Variants in HMG20A observed in about 807,000 individuals in gnomAD.
The protein encoded by HMG20A is high mobility group 20A, also known as high mobility group protein 20A.
A neutral mutation model predicts 43.9 loss-of-function variants in HMG20A; 17 were observed. That is an observed-to-expected ratio of 0.39 (90% confidence interval 0.27 to 0.58). The LOEUF is 0.58. HMG20A is among the 20% of genes least tolerant of loss of function. The probability of loss-of-function intolerance (pLI) is 0.59; values close to 1 mark genes in which losing one functional copy is unlikely to be tolerated. For missense variants in HMG20A, 341 were observed against 438.2 expected (o/e 0.78, Z 1.98); for synonymous variants, 132 against 147.5 (o/e 0.89, Z 0.76).
At chr15:77,482,078 C>T (rs1014840294) in intron 9 of HMG20A, 4 of 152,076 alleles carry the variant, frequency 2.6e-5, no homozygotes, top group African/African-American at 4.8e-5. Context: ...AAAATATCTG[C>T]GTAGATGAGT....
chr15:77,428,923 A>G lies in HMG20A; in HGVS notation c.-5+7919A>G, dbSNP rs1329787699. On this transcript the variant is annotated intron_variant, in intron 1 of 9. Transcript: ENST00000336216. ...CAAGGCTGTGAGCTGTTATCGAGCC[A>G]CTGCACTCCAACCTGGGCTACAGAG... Among the ~76,000 whole-genome samples, 5 of 151,712 alleles carry G rather than the reference A, an allele frequency of 3.3e-5. No individual in the cohort carries two copies. In the East Asian group the frequency reaches 9.7e-4, roughly 29 times the overall value.
At chr15:77,422,351 G>A (rs2073373138) in intron 1 of HMG20A, among the ~76,000 whole-genome samples, 1 of 152,022 alleles carries the variant, frequency 6.6e-6, no homozygotes, top group South Asian at 2.1e-4. Context: ...AAGCTGTTTG[G>A]TCACGCCTGT....
chr15:77,507,803 A>C, the HMG20A span, among the ~76,000 whole-genome samples: 1 of 152,010 alleles, frequency 6.6e-6, no homozygotes, highest in Admixed American at 6.5e-5. Context: ...GAGACAGCTG[A>C]CTGTTGGGAG....
At chr15:77,512,002 C>A in the HMG20A span, among the ~76,000 whole-genome samples, 8 of 152,220 alleles carry the variant, frequency 5.3e-5, no homozygotes, top group Admixed American at 5.2e-4. Context: ...AATGTGGAAG[C>A]AGCCCAAGTG....
downstream of HMG20A, among the ~76,000 whole-genome samples, chr15:77,490,594 G>A (rs1025959420): frequency 2.6e-5 from 4 of 152,152 alleles, no homozygotes; most frequent in Non-Finnish European, 4.4e-5. Flanking sequence ...AGGCCAAGGC[G>A]GGTAGATTTC....
the HMG20A span, among the ~76,000 whole-genome samples, chr15:77,506,652 C>T: frequency 6.6e-6 from 1 of 152,338 alleles, no homozygotes; most frequent in East Asian, 1.9e-4. Flanking sequence ...GACAGAGCTC[C>T]GCCTCTGAGA....
the HMG20A span, among the ~76,000 whole-genome samples, chr15:77,491,324 C>T: frequency 6.6e-6 from 1 of 152,222 alleles, no homozygotes; most frequent in South Asian, 2.1e-4. Flanking sequence ...CAACTGAAGG[C>T]AGCTGGGTCC....
At chr15:77,448,429 C>T (rs2073699079) in intron 1 of HMG20A, among the ~76,000 whole-genome samples, 1 of 152,156 alleles carries the variant, frequency 6.6e-6, no homozygotes, top group South Asian at 2.1e-4. Context: ...CACATACATG[C>T]ATAGTTCTTT....
intron 1 of HMG20A, among the ~76,000 whole-genome samples, chr15:77,444,415 A>C (rs1595917483): frequency 6.6e-6 from 1 of 152,238 alleles, no homozygotes; most frequent in East Asian, 1.9e-4. Flanking sequence ...CTGAAAATAC[A>C]GATTTTGTCA....
chr15:77,443,163 G>C (rs2073631656), intron 1 of HMG20A, among the ~76,000 whole-genome samples: 1 of 150,020 alleles, frequency 6.7e-6, no homozygotes, highest in African/African-American at 2.5e-5. Flanking sequence ...CTCCAGAGTA[G>C]CTGGGATTAT....
chr15:77,458,611 G>T, intron 2 of HMG20A, 115 bp downstream of exon 2: 1 of 605,374 alleles, frequency 1.7e-6, no homozygotes, highest in Non-Finnish European at 2.9e-6. Context: ...CGGTGCACTT[G>T]TTTCACTTTG....
chr15:77,435,692 A>G (rs1284403177), intron 1 of HMG20A, among the ~76,000 whole-genome samples: 1 of 152,188 alleles, frequency 6.6e-6, no homozygotes, highest in Non-Finnish European at 1.5e-5. Flanking sequence ...CAAACCATGT[A>G]GGTGGTATGC....
the HMG20A span, among the ~76,000 whole-genome samples, chr15:77,510,087 C>A: frequency 6.6e-6 from 1 of 152,176 alleles, no homozygotes; most frequent in Admixed American, 6.5e-5. Context: ...TCCTAGCCCC[C>A]CACAGGGGCA....
chr15:77,433,338 T>TTAAAA (rs1555508173), intron 1 of HMG20A, among the ~76,000 whole-genome samples: 47 of 118,520 alleles, frequency 4.0e-4, no homozygotes, highest in African/African-American at 1.4e-3. Flanking sequence ...ACCCTGTCTC[T>TTAAAA]AAAAAAAAAA....
chr15:77,475,788 G>A (rs1401902386), intron 6 of HMG20A, among the ~76,000 whole-genome samples: 2 of 152,166 alleles, frequency 1.3e-5, no homozygotes, highest in Non-Finnish European at 2.9e-5. Flanking sequence ...AAGCCACTGC[G>A]AAATATGGCT....
At chr15:77,508,775 A>C in the HMG20A span, among the ~76,000 whole-genome samples, 1 of 152,238 alleles carries the variant, frequency 6.6e-6, no homozygotes, top group Non-Finnish European at 1.5e-5. Context: ...AAATCATTGC[A>C]GACTCAATGG....
intron 1 of HMG20A, among the ~76,000 whole-genome samples, chr15:77,424,408 T>C (rs2073403856): frequency 6.6e-6 from 1 of 152,234 alleles, no homozygotes; most frequent in African/African-American, 2.4e-5. Flanking sequence ...CTGAGCTTAC[T>C]AGCTTGGTAA....
At chr15:77,448,553 C>T (rs1292889759) in intron 1 of HMG20A, among the ~76,000 whole-genome samples, 3 of 152,108 alleles carry the variant, frequency 2.0e-5, no homozygotes, top group Admixed American at 6.5e-5. Context: ...CTTTCCCTGC[C>T]CTGTTTTTTC....
At chr15:77,478,532 C>CT in intron 8 of HMG20A, 22 bp downstream of exon 8, 1 of 1,589,088 alleles carries the variant, frequency 6.3e-7, no homozygotes, top group East Asian at 2.2e-5. Context: ...TGCCTGAGAA[C>CT]TGTCAGTGAC....
Sources: allele counts gnomAD v4.1 joint callset (sites outside exome capture counted in the v4.1 genomes callset), GRCh38; gene constraint gnomAD v4.1.1; transcripts MANE v1.5; gene names NCBI Gene and HGNC (gene_info 2026-07-23, HGNC 2026-07-21).